BLZF1: variants seen among roughly 807,000 people sequenced by gnomAD.
BLZF1 encodes the protein golgin-45.
A neutral mutation model predicts 43.8 loss-of-function variants in BLZF1; 39 were observed. That is an observed-to-expected ratio of 0.89 (90% CI 0.69 to 1.16). The LOEUF is 1.16. BLZF1 is among the 50% of genes most tolerant of loss of function. The pLI is 0.00. For missense variants in BLZF1, 449 were observed against 469.8 expected, an observed-to-expected ratio of 0.96 and a Z score of 0.41; for synonymous variants, 136 against 159.4, an observed-to-expected ratio of 0.85 and a Z score of 1.11.
chr1:169,392,796 T>C (rs1054097972), downstream of BLZF1, among the ~76,000 whole-genome samples: 15 of 152,300 alleles, frequency 9.8e-5, no homozygotes, highest in African/African-American at 3.6e-4. Flanking sequence ...GCCTTCATAA[T>C]GAAGCCCCTC....
intron 7 of BLZF1, among the ~76,000 whole-genome samples, chr1:169,395,392 C>T (rs563134351): frequency 4.6e-5 from 7 of 152,214 alleles, no homozygotes; most frequent in African/African-American, 9.6e-5. Flanking sequence ...AAGAAAGGAC[C>T]GTTAGATTTG....
intron 5 of BLZF1, 86 bp from the exon 6 acceptor site, chr1:169,381,976 G>T (rs372729180): frequency 9.9e-7 from 1 of 1,007,242 alleles, no homozygotes; most frequent in Non-Finnish European, 1.5e-6. Flanking sequence ...TATAATTTCA[G>T]AAATATTTGT....
chr1:169,391,789 G>A (rs762855604), downstream of BLZF1, among the ~76,000 whole-genome samples: 3 of 83,312 alleles, frequency 3.6e-5, no homozygotes, highest in Non-Finnish European at 1.1e-4. Flanking sequence ...ATGGGTCCAG[G>A]TGCTGGGGCA....
chr1:169,393,855 A>G (rs551824463), intron 7 of BLZF1, among the ~76,000 whole-genome samples: 14 of 151,826 alleles, frequency 9.2e-5, no homozygotes, highest in Non-Finnish European at 1.8e-4. Context: ...TCCTGCCTCA[A>G]CCTCCCAAAG....
At chr1:169,385,650 C>T (rs1654644289) in intron 6 of BLZF1, among the ~76,000 whole-genome samples, 1 of 152,178 alleles carries the variant, frequency 6.6e-6, no homozygotes, top group South Asian at 2.1e-4. Context: ...TGCTTATCCT[C>T]TAATACCAAA....
chr1:169,386,992 C>T lies in BLZF1; in HGVS notation c.1018-5C>T, dbSNP rs1189068383. 1.9e-6 allele frequency: 3 copies of T among 1,592,952 alleles called. No homozygotes were observed. The highest frequency in any genetic ancestry group is 1.8e-5 in the Admixed American group (1 of 57,044). ...ACTTCTGACATTATATCTTATTTTC[C>T]TTAGGTTCTAAGAATTTTAGATCCA... On this transcript the variant is annotated splice_polypyrimidine_tract_variant and splice_region_variant and intron_variant, in intron 6 of 6. Coordinates refer to ENST00000367808, the MANE Select transcript of BLZF1 (RefSeq NM_001320973.2).
At chr1:169,380,105 T>C (rs1316044770) in intron 4 of BLZF1, among the ~76,000 whole-genome samples, 1 of 151,880 alleles carries the variant, frequency 6.6e-6, no homozygotes, top group African/African-American at 2.4e-5. Context: ...AAGAGGTAAT[T>C]GAGTGAAGAA....
chr1:169,370,745 A>G lies in BLZF1; in HGVS notation c.28+1195A>G, dbSNP rs151320894. ...CTTCTTATTTATCTTTTAAATATCA[A>G]CACTTTCCACCACTGTTTCTTTTCT... On this transcript the variant is annotated intron_variant, in intron 2 of 6. Coordinates refer to ENST00000367808, the MANE Select transcript of BLZF1 (RefSeq NM_001320973.2). Among the ~76,000 whole-genome samples, 15 of 152,218 alleles carry G rather than the reference A, an allele frequency of 9.9e-5. No individual in the cohort carries two copies. The East Asian group carries it at 2.9e-3, about 29-fold the overall frequency.
In BLZF1 at chr1:169,372,279, T is replaced by C. The variant is rs573642787; in HGVS notation, c.28+2729T>C. Among the ~76,000 whole-genome samples the C allele has an allele frequency of 7.2e-5, 11 of 152,252 alleles. No individual in the cohort carries two copies. In the South Asian group the frequency reaches 2.3e-3, roughly 32 times the overall value. ...TTGTTTAACTGTATCATAGCTGAATTTGTATATGTTCTGGAAAGTCTTTCA... is the reference window on the plus strand; with the variant it reads ...TTGTTTAACTGTATCATAGCTGAATCTGTATATGTTCTGGAAAGTCTTTCA... On this transcript the variant is annotated intron_variant, in intron 2 of 6. Coordinates refer to ENST00000367808, the MANE Select transcript of BLZF1 (RefSeq NM_001320973.2).
downstream of BLZF1, among the ~76,000 whole-genome samples, chr1:169,390,925 C>T (rs1571447815): frequency 1.3e-5 from 2 of 152,312 alleles, no homozygotes; most frequent in African/African-American, 4.8e-5. Context: ...ATTTACATAT[C>T]TTGGATGTTA....
rs1310995795 is a variant in BLZF1, at chr1:169,378,491, A to G, written c.630A>G (p.Ile210Met). 6.2e-7 allele frequency: 1 copy of G among 1,612,798 alleles called. No homozygotes were observed. Residue 210 changes from isoleucine to methionine, a missense_variant, in exon 4 of 7, where the codon ATA (isoleucine) becomes ATG (methionine). By Grantham distance (10) the Ile-to-Met change is conservative. Transcript: ENST00000367808. ...CTGAACAGTTAGAACGTATGTCAAT[A>G]CAGTGTGATGTATGGCGAAGTAAAT... Reference protein sequence around the residue: ...QLSEQLERMSIQCDVWRSKFL... With the variant: ...QLSEQLERMSMQCDVWRSKFL...
At chr1:169,395,347 C>A (rs1257730315) in intron 7 of BLZF1, 2 of 702,096 alleles carry the variant, frequency 2.8e-6, no homozygotes, top group Non-Finnish European at 4.2e-6. Flanking sequence ...TAAGTATTAA[C>A]TGAAAAATGT....
At chr1:169,395,203 C>A (rs748777852) in intron 7 of BLZF1, 1 of 1,609,832 alleles carries the variant, frequency 6.2e-7, no homozygotes, top group South Asian at 1.1e-5. Flanking sequence ...TCCTTCTTAA[C>A]CATCTGTAGA....
chr1:169,394,146 A>G (rs2102027784), intron 7 of BLZF1, among the ~76,000 whole-genome samples: 1 of 152,336 alleles, frequency 6.6e-6, no homozygotes, highest in South Asian at 2.1e-4. Context: ...TGTGAACAAA[A>G]TATTCATGTC....
At chr1:169,371,830 T>C (rs140730684) in intron 2 of BLZF1, among the ~76,000 whole-genome samples, 19 of 152,144 alleles carry the variant, frequency 1.2e-4, no homozygotes, top group Admixed American at 3.9e-4. Context: ...AATAGAAAGG[T>C]CTGAGACATT....
At chr1:169,379,950 AAC>A (rs1317497851) in intron 4 of BLZF1, among the ~76,000 whole-genome samples, 2 of 151,994 alleles carry the variant, frequency 1.3e-5, no homozygotes, top group African/African-American at 2.4e-5. Context: ...ATTTATTTTT[AAC>A]ACATGTATAT....
chr1:169,396,055 TATC>T (rs1263981542), exon 8 of BLZF1: 1 of 152,202 alleles, frequency 6.6e-6, no homozygotes, highest in Non-Finnish European at 1.5e-5. Context: ...TATTCGGTAA[TATC>T]ATTAATGAAA....
At chr1:169,383,099 C>T (rs1654573784) in intron 6 of BLZF1, among the ~76,000 whole-genome samples, 1 of 152,172 alleles carries the variant, frequency 6.6e-6, no homozygotes, top group African/African-American at 2.4e-5. Context: ...CTGCAAACCC[C>T]AGTCCTGTGT....
chr1:169,384,967 A>C (rs1225898633), intron 6 of BLZF1, among the ~76,000 whole-genome samples: 3 of 152,306 alleles, frequency 2.0e-5, no homozygotes, highest in African/African-American at 7.2e-5. Context: ...GTCAGTACCT[A>C]AAATTAATCA....
Sources: allele counts gnomAD v4.1 joint callset (sites outside exome capture counted in the v4.1 genomes callset), GRCh38; gene constraint gnomAD v4.1.1; transcripts MANE v1.5; gene names NCBI Gene and HGNC (gene_info 2026-07-23, HGNC 2026-07-21).